QKI: variants seen among roughly 807,000 people sequenced by gnomAD.
QKI encodes QKI, KH domain containing RNA binding, also known as KH domain-containing RNA-binding protein QKI.
In QKI, 10 loss-of-function variants were observed where a neutral mutation model predicts 39.0. That is an observed-to-expected ratio of 0.26 (90% CI 0.16 to 0.43). The LOEUF (loss-of-function observed/expected upper bound fraction) is 0.43, where lower values mean the gene tolerates loss of function less well. Ranked by LOEUF, QKI falls within the 20% of genes least tolerant of loss-of-function variation. The pLI, the probability that QKI is intolerant of heterozygous loss-of-function variation, is 1.00. For synonymous variants in QKI, 204 were observed against 155.4 expected (o/e 1.31, Z -2.33); for missense variants, 218 against 428.0 (o/e 0.51, Z 4.33).
chr6:163,430,505 C>A (rs559285702), intron 1 of QKI, among the ~76,000 whole-genome samples: 1 of 152,050 alleles, frequency 6.6e-6, no homozygotes, highest in African/African-American at 2.4e-5. Flanking sequence ...CCATGTGTTT[C>A]AGTTTTTTTC....
At chr6:163,461,392 C>T (rs1791339188) in intron 2 of QKI, among the ~76,000 whole-genome samples, 2 of 152,114 alleles carry the variant, frequency 1.3e-5, no homozygotes, top group African/African-American at 4.8e-5. Flanking sequence ...AATGCAGGCA[C>T]TTTCTTTTAT....
At chr6:163,557,818 T>TAAA in intron 4 of QKI, among the ~76,000 whole-genome samples, 1 of 142,466 alleles carries the variant, frequency 7.0e-6, no homozygotes, top group Admixed American at 7.0e-5. Flanking sequence ...CACAAAAACT[T>TAAA]AAAAAAAAAA....
intron 3 of QKI, among the ~76,000 whole-genome samples, chr6:163,498,456 T>A (rs1366454716): frequency 6.6e-6 from 1 of 152,156 alleles, no homozygotes; most frequent in Non-Finnish European, 1.5e-5. Context: ...TACAAAGCTC[T>A]CCTACACACC....
chr6:163,530,429 C>G (rs1780779762), intron 3 of QKI, among the ~76,000 whole-genome samples: 1 of 152,076 alleles, frequency 6.6e-6, no homozygotes, highest in Non-Finnish European at 1.5e-5. Flanking sequence ...AAAAGAGGAC[C>G]TTTTGGGGTG....
intron 6 of QKI, chr6:163,565,151 A>G: frequency 1.0e-6 from 1 of 995,172 alleles, no homozygotes; most frequent in Non-Finnish European, 1.2e-6. Flanking sequence ...TGTTTATGAG[A>G]GGCTTGTGTC....
intron 4 of QKI, among the ~76,000 whole-genome samples, chr6:163,552,431 C>T (rs1025656251): frequency 6.6e-6 from 1 of 151,992 alleles, no homozygotes; most frequent in African/African-American, 2.4e-5. Context: ...AGGATGGTCT[C>T]GATCTCCTGA....
At chr6:163,416,086 C>G (rs936340558) in intron 1 of QKI, among the ~76,000 whole-genome samples, 7 of 146,902 alleles carry the variant, frequency 4.8e-5, no homozygotes, top group Admixed American at 4.7e-4. Context: ...CGAAATAACG[C>G]GATGACAGAT....
At chr6:163,434,582 G>C (rs1789100170) in intron 1 of QKI, among the ~76,000 whole-genome samples, 1 of 152,014 alleles carries the variant, frequency 6.6e-6, no homozygotes, top group African/African-American at 2.4e-5. Context: ...GGGCGTGGTG[G>C]TGGGCGCCTG....
chr6:163,444,044 GGTGT>G (rs1789955434), intron 1 of QKI, among the ~76,000 whole-genome samples: 1 of 152,154 alleles, frequency 6.6e-6, no homozygotes, highest in East Asian at 1.9e-4. Context: ...ATGAGGATTT[GGTGT>G]TTTCCGAGGA....
chr6:163,502,019 A>G (rs1484908774), intron 3 of QKI, among the ~76,000 whole-genome samples: 2 of 152,198 alleles, frequency 1.3e-5, no homozygotes, highest in African/African-American at 4.8e-5. Context: ...CAAAAAGGTT[A>G]TTAAGAGATA....
At chr6:163,464,059 T>C (rs904180000) in intron 2 of QKI, among the ~76,000 whole-genome samples, 2 of 152,294 alleles carry the variant, frequency 1.3e-5, no homozygotes, top group African/African-American at 4.8e-5. Context: ...GACAGTTGTT[T>C]CCCCTTAGAG....
At chr6:163,565,165 T>C in intron 6 of QKI, 1 of 992,136 alleles carries the variant, frequency 1.0e-6, no homozygotes, top group Non-Finnish European at 1.2e-6. Context: ...TTGTGTCTGT[T>C]GCACATTTCT....
At position 163,509,605 on chromosome 6, in the gene QKI, A is replaced by G. The variant is rs898420260; in HGVS notation, c.403-25377A>G. On this transcript the variant is annotated intron_variant, in intron 3 of 7. Transcript: ENST00000361752. ...AATATTGATTGTAAGTAGGCCTTGA[A>G]AAGTTAAAGATTTGTATTGTATCCC... is the stretch of plus-strand genomic sequence containing the variant. Among the ~76,000 whole-genome samples, 4 of 152,152 alleles carry G rather than the reference A, an allele frequency of 2.6e-5. No individual in the cohort carries two copies. The East Asian group carries it at 5.8e-4, about 22-fold the overall frequency.
At chr6:163,485,566 C>T (rs1054875846) in intron 3 of QKI, among the ~76,000 whole-genome samples, 1 of 152,062 alleles carries the variant, frequency 6.6e-6, no homozygotes, top group African/African-American at 2.4e-5. Flanking sequence ...GTCAGCTCTT[C>T]TGAGGTCTCC....
intron 4 of QKI, among the ~76,000 whole-genome samples, chr6:163,552,499 C>T (rs1583209388): frequency 1.3e-5 from 2 of 152,234 alleles, no homozygotes; most frequent in Middle Eastern, 3.4e-3. Flanking sequence ...CGTGAGCCAC[C>T]GTGCCCAGCC....
chr6:163,561,527 G>A (rs996495277), intron 4 of QKI, among the ~76,000 whole-genome samples: 11 of 152,114 alleles, frequency 7.2e-5, no homozygotes, highest in East Asian at 1.9e-4. Flanking sequence ...AGGATGGCTC[G>A]AACCTAGGAA....
chr6:163,465,479 T>C (rs1176055311), intron 2 of QKI, among the ~76,000 whole-genome samples: 3 of 149,600 alleles, frequency 2.0e-5, no homozygotes, highest in Non-Finnish European at 4.5e-5. Flanking sequence ...AATACAAAAA[T>C]TCACCAGGCA....
At chr6:163,570,553 A>G in intron 7 of QKI, 141 bp from the exon 8 acceptor site, 1 of 1,461,874 alleles carries the variant, frequency 6.8e-7, no homozygotes, top group Non-Finnish European at 9.0e-7. Flanking sequence ...TCAGTTTGTC[A>G]GAATTAAACA....
intron 2 of QKI, among the ~76,000 whole-genome samples, chr6:163,458,451 T>C (rs1791097363): frequency 6.6e-6 from 1 of 152,242 alleles, no homozygotes; most frequent in South Asian, 2.1e-4. Context: ...GTCTGATAAA[T>C]GGTGTATTCA....
Sources: allele counts gnomAD v4.1 joint callset (sites outside exome capture counted in the v4.1 genomes callset), GRCh38; gene constraint gnomAD v4.1.1; transcripts MANE v1.5; gene names NCBI Gene and HGNC (gene_info 2026-07-23, HGNC 2026-07-21).